The following COL5A2 variants were observed in gnomAD, a reference collection of about 807,000 sequenced individuals.
The protein encoded by COL5A2 is collagen alpha-2(V) chain.
Under a neutral mutation model 208.2 loss-of-function variants are expected in COL5A2, and 23 were observed. The observed-to-expected ratio is 0.11, with a 90% CI of 0.08 to 0.16. The LOEUF (loss-of-function observed/expected upper bound fraction) is 0.16. Among genes scored for constraint, COL5A2 ranks in the 10% least tolerant of loss-of-function variants. The probability of loss-of-function intolerance (pLI) is 1.00; values close to 1 mark genes in which losing one functional copy is unlikely to be tolerated. For missense variants in COL5A2, 1,590 were observed against 1,956.4 expected, an observed-to-expected ratio of 0.81 and a Z score of 3.53; for synonymous variants, 625 against 628.5, an observed-to-expected ratio of 0.99 and a Z score of 0.08.
At chr2:189,173,301 A>G (rs962265134) in intron 1 of COL5A2, among the ~76,000 whole-genome samples, 3 of 152,156 alleles carry the variant, frequency 2.0e-5, no homozygotes, top group Non-Finnish European at 4.4e-5. Context: ...GGCAAGATTT[A>G]GATAGGAATA....
the COL5A2 span, among the ~76,000 whole-genome samples, chr2:189,265,191 C>T: frequency 1.3e-5 from 2 of 152,182 alleles, no homozygotes; most frequent in African/African-American, 2.4e-5. Context: ...TTAGATTGGG[C>T]AATTTCTTAT....
intron 1 of COL5A2, among the ~76,000 whole-genome samples, chr2:189,155,995 T>G (rs1019073299): frequency 6.6e-6 from 1 of 152,238 alleles, no homozygotes. Flanking sequence ...TCTCTGGCTA[T>G]GATTCCTGCT....
the COL5A2 span, among the ~76,000 whole-genome samples, chr2:189,345,943 T>C: frequency 1.6e-4 from 24 of 152,298 alleles, 1 homozygote; most frequent in East Asian, 4.4e-3. Context: ...TGAGTGTGGA[T>C]GTATGAATAA....
At chr2:189,068,319 A>G (rs370695866) in intron 19 of COL5A2, 49 bp from the exon 20 acceptor site, 1 of 1,453,290 alleles carries the variant, frequency 6.9e-7, no homozygotes, top group African/African-American at 1.4e-5. Context: ...CAATATATAG[A>G]TACAAATGTG....
intron 23 of COL5A2, 150 bp from the exon 24 acceptor site, chr2:189,065,207 G>C (rs935005866): frequency 3.4e-5 from 25 of 740,282 alleles, no homozygotes; most frequent in Middle Eastern, 6.0e-4. Context: ...AATCTGACTC[G>C]ATGGAAAAAC....
chr2:189,069,055 C>T (rs1230530031), intron 18 of COL5A2, among the ~76,000 whole-genome samples, 171 bp from the exon 19 acceptor site: 1 of 152,158 alleles, frequency 6.6e-6, no homozygotes, highest in Admixed American at 6.5e-5. Flanking sequence ...CTCACTTTCC[C>T]ACTTCCTTCT....
At position 189,080,970 on chromosome 2, in the gene COL5A2, T is replaced by C. The variant is rs917512878; in HGVS notation, c.906+20A>G. On this transcript the variant is annotated intron_variant, in intron 13 of 53. Transcript: ENST00000374866. ...CACTAAACCACAGTATCTGAGAGGA[T>C]TACAATAGATTGAACTTACTCGGTG... is the stretch of plus-strand genomic sequence containing the variant. 2 of 1,605,868 alleles carry C rather than the reference T, an allele frequency of 1.2e-6. No homozygotes were observed. Among genetic ancestry groups the C allele is most frequent in the Non-Finnish European group, 1.7e-6 (2 of 1,172,716 alleles).
chr2:189,290,378 C>G, the COL5A2 span, among the ~76,000 whole-genome samples: 2 of 152,176 alleles, frequency 1.3e-5, no homozygotes, highest in African/African-American at 4.8e-5. Context: ...ACAAAGAAGT[C>G]TGAAAAGGAA....
intron 1 of COL5A2, among the ~76,000 whole-genome samples, chr2:189,175,295 G>A (rs1688654104): frequency 6.6e-6 from 1 of 152,110 alleles, no homozygotes; most frequent in Non-Finnish European, 1.5e-5. Context: ...CTTCATAAAA[G>A]GGGGCAGGGT....
chr2:189,216,374 G>A (rs541376490), intron 1 of COL5A2, among the ~76,000 whole-genome samples: 3 of 151,962 alleles, frequency 2.0e-5, no homozygotes, highest in Non-Finnish European at 4.4e-5. Flanking sequence ...ACTGGCTGCT[G>A]TTAGATTTAT....
the COL5A2 span, among the ~76,000 whole-genome samples, chr2:189,295,896 C>T: frequency 6.6e-6 from 1 of 152,158 alleles, no homozygotes; most frequent in South Asian, 2.1e-4. Context: ...CAATCAAAGA[C>T]AGAACATTTT....
the COL5A2 span, among the ~76,000 whole-genome samples, chr2:189,247,179 A>G: frequency 6.6e-6 from 1 of 152,206 alleles, no homozygotes; most frequent in African/African-American, 2.4e-5. Flanking sequence ...TTGTGGCCTA[A>G]GAAGAGAACA....
At chr2:189,060,851 T>G in intron 30 of COL5A2, 68 bp from the exon 31 acceptor site, 1 of 1,115,962 alleles carries the variant, frequency 9.0e-7, no homozygotes, top group African/African-American at 1.5e-5. Flanking sequence ...GTGTTAACAG[T>G]TTACCTTTTA....
the COL5A2 span, among the ~76,000 whole-genome samples, chr2:189,271,752 T>C: frequency 1.3e-5 from 2 of 152,070 alleles, no homozygotes; most frequent in African/African-American, 4.8e-5. Flanking sequence ...ATTTTTGCAG[T>C]CTATCCATCT....
intron 45 of COL5A2, among the ~76,000 whole-genome samples, chr2:189,046,815 GAA>G (rs112684457): frequency 8.5e-4 from 115 of 136,070 alleles, no homozygotes; most frequent in African/African-American, 2.8e-3. Flanking sequence ...TCAAGGTTTT[GAA>G]AAAAAAAAAA....
At chr2:189,189,034 G>T (rs377535735) in intron 1 of COL5A2, among the ~76,000 whole-genome samples, 1 of 152,090 alleles carries the variant, frequency 6.6e-6, no homozygotes, top group African/African-American at 2.4e-5. Context: ...AGAGAAGAAA[G>T]GAGTTTTTTT....
At chr2:189,121,251 C>T (rs577766584) in intron 1 of COL5A2, among the ~76,000 whole-genome samples, 23 of 151,722 alleles carry the variant, frequency 1.5e-4, no homozygotes, top group African/African-American at 5.6e-4. Context: ...AAATTAAAAT[C>T]CAAAGCAGTT....
At chr2:189,370,041 G>C in the COL5A2 span, among the ~76,000 whole-genome samples, 1 of 152,096 alleles carries the variant, frequency 6.6e-6, no homozygotes, top group Admixed American at 6.5e-5. Flanking sequence ...TACATTTTTT[G>C]ACTCATTAAT....
At chr2:189,408,725 CAT>C in the COL5A2 span, among the ~76,000 whole-genome samples, 1 of 152,152 alleles carries the variant, frequency 6.6e-6, no homozygotes, top group Non-Finnish European at 1.5e-5. Context: ...CTGTTGGTCT[CAT>C]GTAGAACAGC....
Sources: allele counts gnomAD v4.1 joint callset (sites outside exome capture counted in the v4.1 genomes callset), GRCh38; gene constraint gnomAD v4.1.1; transcripts MANE v1.5; gene names NCBI Gene and HGNC (gene_info 2026-07-23, HGNC 2026-07-21).